Variants in GNAQ observed in about 807,000 individuals in gnomAD.
GNAQ encodes the protein G protein subunit alpha q, also known as guanine nucleotide-binding protein G(q) subunit alpha.
Under a neutral mutation model 43.9 loss-of-function variants are expected in GNAQ, and 8 were observed. The observed-to-expected ratio is 0.18, with a 90% CI of 0.11 to 0.33. The LOEUF is 0.33. Ranked by LOEUF, GNAQ falls within the 10% of genes least tolerant of loss-of-function variation. GNAQ has a pLI of 1.00. For synonymous variants in GNAQ, 155 were observed against 170.7 expected, an observed-to-expected ratio of 0.91 and a Z score of 0.71; for missense variants, 158 against 450.8, an observed-to-expected ratio of 0.35 and a Z score of 5.88.
At chr9:77,854,228 A>C (rs578027000) in intron 2 of GNAQ, among the ~76,000 whole-genome samples, 1 of 152,302 alleles carries the variant, frequency 6.6e-6, no homozygotes, top group African/African-American at 2.4e-5. Flanking sequence ...GAATGTGTTT[A>C]AAAGACTATT....
At chr9:77,762,745 C>T (rs1410386151) in intron 5 of GNAQ, among the ~76,000 whole-genome samples, 1 of 152,126 alleles carries the variant, frequency 6.6e-6, no homozygotes, top group African/African-American at 2.4e-5. Flanking sequence ...TCATTTTGTT[C>T]TGTACTAAGA....
intron 1 of GNAQ, among the ~76,000 whole-genome samples, chr9:77,947,087 C>T (rs1419415485): frequency 6.6e-6 from 1 of 152,232 alleles, no homozygotes; most frequent in Non-Finnish European, 1.5e-5. Context: ...CCCAAATATC[C>T]TTCTCTGCTG....
chr9:78,019,939 A>AAAAAG (rs1823886999), intron 1 of GNAQ, among the ~76,000 whole-genome samples: 1 of 149,050 alleles, frequency 6.7e-6, no homozygotes. Context: ...AAAAAAAAAA[A>AAAAAG]AAAGAAAGAA....
At chr9:77,979,664 A>G (rs1469997488) in intron 1 of GNAQ, among the ~76,000 whole-genome samples, 1 of 152,224 alleles carries the variant, frequency 6.6e-6, no homozygotes, top group Non-Finnish European at 1.5e-5. Context: ...AGACTAAAAA[A>G]TAGCCCCTTC....
chr9:77,752,810 G>T (rs1189838196), intron 5 of GNAQ, among the ~76,000 whole-genome samples: 1 of 152,134 alleles, frequency 6.6e-6, no homozygotes, highest in Non-Finnish European at 1.5e-5. Flanking sequence ...CATTCTTTTG[G>T]ATAAAGATTT....
intron 5 of GNAQ, among the ~76,000 whole-genome samples, chr9:77,761,280 G>C (rs1826011356): frequency 8.4e-6 from 1 of 118,360 alleles, no homozygotes; most frequent in African/African-American, 3.0e-5. Context: ...AGGTGGGGGG[G>C]TCAGCCCCCC....
chr9:78,018,942 G>A (rs978611816), intron 1 of GNAQ, among the ~76,000 whole-genome samples: 10 of 152,124 alleles, frequency 6.6e-5, no homozygotes, highest in African/African-American at 2.2e-4. Context: ...TAGACTCCAG[G>A]GGTTTAGAAA....
In GNAQ at chr9:77,717,267, T is replaced by C. The variant is rs1424736576; in HGVS notation, c.*4056A>G. On this transcript the variant is annotated 3_prime_UTR_variant, in exon 7 of 7. Transcript: ENST00000286548. ...CACACCTTATTTGTATCAATTGAGA[T>C]GTTGATTACCAATTAAGTGGTTTTA... is the stretch of plus-strand genomic sequence containing the variant. The C allele has an allele frequency of 1.3e-5, 3 of 232,370 alleles. No homozygotes were observed. The highest frequency in any genetic ancestry group is 4.4e-5 in the African/African-American group (2 of 45,310). 14.4% of individuals were successfully genotyped at this position (232,370 alleles called of 1,614,324 possible). A position where few individuals can be genotyped will look rare whatever the true frequency, so the allele number is the denominator to read the frequency against.
intron 5 of GNAQ, among the ~76,000 whole-genome samples, chr9:77,766,082 T>C (rs1826132601): frequency 6.6e-6 from 1 of 152,212 alleles, no homozygotes; most frequent in Non-Finnish European, 1.5e-5. Context: ...ACAGAATTAC[T>C]GTGTAATGGG....
intron 1 of GNAQ, among the ~76,000 whole-genome samples, chr9:77,927,929 C>T (rs551605519): frequency 1.3e-5 from 2 of 152,020 alleles, no homozygotes; most frequent in African/African-American, 4.8e-5. Context: ...TATAGAGTAA[C>T]TGTACTTCAG....
chr9:78,027,611 C>T (rs1162688988), intron 1 of GNAQ, among the ~76,000 whole-genome samples: 3 of 151,876 alleles, frequency 2.0e-5, no homozygotes, highest in Non-Finnish European at 2.9e-5. Context: ...AATAGCCGGG[C>T]GTGGTGGTGC....
intron 5 of GNAQ, among the ~76,000 whole-genome samples, chr9:77,789,328 CAA>C (rs2118427546): frequency 6.6e-6 from 1 of 152,116 alleles, no homozygotes; most frequent in East Asian, 1.9e-4. Context: ...TGGCAAGCTA[CAA>C]AGTGGAAGAA....
intron 2 of GNAQ, among the ~76,000 whole-genome samples, chr9:77,854,625 T>C (rs1380787378): frequency 2.0e-5 from 3 of 152,210 alleles, no homozygotes; most frequent in African/African-American, 4.8e-5. Context: ...TACTCATTCA[T>C]AAACAAACGT....
chr9:77,821,234 T>C (rs1827108228), intron 2 of GNAQ, among the ~76,000 whole-genome samples: 1 of 152,196 alleles, frequency 6.6e-6, no homozygotes, highest in African/African-American at 2.4e-5. Context: ...ATAGTTATAC[T>C]GTCTTTCCCA....
chr9:77,816,787 G>C (rs1827024694), intron 2 of GNAQ, among the ~76,000 whole-genome samples: 1 of 152,084 alleles, frequency 6.6e-6, no homozygotes, highest in Non-Finnish European at 1.5e-5. Context: ...TGACATCATG[G>C]CCAAACTATT....
At chr9:77,943,282 T>G (rs1000535916) in intron 1 of GNAQ, among the ~76,000 whole-genome samples, 1 of 152,202 alleles carries the variant, frequency 6.6e-6, no homozygotes, top group Non-Finnish European at 1.5e-5. Context: ...AAAGCCAAGC[T>G]ACAAACCACA....
chr9:77,855,471 T>A (rs1827739095), intron 2 of GNAQ, among the ~76,000 whole-genome samples: 2 of 152,182 alleles, frequency 1.3e-5, no homozygotes, highest in Non-Finnish European at 2.9e-5. Context: ...TATACTTTGA[T>A]TTTGCATGGT....
chr9:77,844,428 T>C (rs999579259), intron 2 of GNAQ, among the ~76,000 whole-genome samples: 8 of 152,144 alleles, frequency 5.3e-5, no homozygotes, highest in Non-Finnish European at 1.2e-4. Flanking sequence ...ATATTATTTC[T>C]CTATATAACC....
chr9:77,984,643 T>TA (rs1382536451), intron 1 of GNAQ, among the ~76,000 whole-genome samples: 1 of 152,180 alleles, frequency 6.6e-6, no homozygotes, highest in Non-Finnish European at 1.5e-5. Context: ...CATTCTCTTT[T>TA]AAAAAATTCC....
Sources: allele counts gnomAD v4.1 joint callset (sites outside exome capture counted in the v4.1 genomes callset), GRCh38; gene constraint gnomAD v4.1.1; transcripts MANE v1.5; gene names NCBI Gene and HGNC (gene_info 2026-07-23, HGNC 2026-07-21).